ZMYM2: variants seen among roughly 807,000 people sequenced by gnomAD.
The protein encoded by ZMYM2 is zinc finger MYM-type protein 2.
ZMYM2 carries 56 observed loss-of-function variants against 162.8 expected under a neutral mutation model. That is an observed-to-expected ratio of 0.34 (90% CI 0.28 to 0.43). ZMYM2 has a LOEUF of 0.43. Among genes scored for constraint, ZMYM2 ranks in the 20% least tolerant of loss-of-function variants. The pLI is 1.00. For missense variants in ZMYM2, 1,275 were observed against 1,621.8 expected (o/e 0.79, Z 3.67); for synonymous variants, 510 against 541.6 (o/e 0.94, Z 0.81).
intron 21 of ZMYM2, among the ~76,000 whole-genome samples, chr13:20,068,556 A>C (rs919880660): frequency 6.6e-6 from 1 of 152,090 alleles, no homozygotes; most frequent in African/African-American, 2.4e-5. Flanking sequence ...TGAATTCCAA[A>C]ACATGTGACT....
chr13:19,943,102 TA>T, the ZMYM2 span, among the ~76,000 whole-genome samples: 3 of 152,190 alleles, frequency 2.0e-5, no homozygotes, highest in Non-Finnish European at 2.9e-5. Flanking sequence ...CCTGCTCTTC[TA>T]GCTTTTGTTT....
the ZMYM2 span, among the ~76,000 whole-genome samples, chr13:19,878,396 G>A: frequency 6.6e-6 from 1 of 152,020 alleles, no homozygotes; most frequent in East Asian, 1.9e-4. Flanking sequence ...GATGTAAGGT[G>A]GTATCCAATT....
chr13:20,030,687 C>G (rs956790594), intron 9 of ZMYM2, among the ~76,000 whole-genome samples: 1 of 152,028 alleles, frequency 6.6e-6, no homozygotes, highest in Non-Finnish European at 1.5e-5. Flanking sequence ...CATGAGCCAC[C>G]ACGCCTGGCC....
chr13:20,006,707 A>T, intron 6 of ZMYM2, 121 bp downstream of exon 6: 1 of 1,036,282 alleles, frequency 9.6e-7, no homozygotes, highest in Non-Finnish European at 1.4e-6. Flanking sequence ...TAATTCCATT[A>T]TTGTTGTCAT....
At chr13:19,922,670 C>T in the ZMYM2 span, among the ~76,000 whole-genome samples, 1 of 151,878 alleles carries the variant, frequency 6.6e-6, no homozygotes, top group Non-Finnish European at 1.5e-5. Context: ...CGGTGAAACC[C>T]CGTCTCTACT....
the ZMYM2 span, among the ~76,000 whole-genome samples, chr13:19,889,585 G>A: frequency 6.6e-6 from 1 of 152,010 alleles, no homozygotes; most frequent in African/African-American, 2.4e-5. Context: ...CTCCCAAAGT[G>A]AGCCACTGTG....
chr13:19,962,515 ATTT>A (rs1166788980), intron 2 of ZMYM2, among the ~76,000 whole-genome samples: 19 of 38,914 alleles, frequency 4.9e-4, no homozygotes, highest in African/African-American at 1.1e-3. Context: ...ATATATATAT[ATTT>A]TTTTTTTTTT....
In ZMYM2 at chr13:19,989,658, T is replaced by G. The variant is rs567967040; in HGVS notation, c.-10-3405T>G. On this transcript the variant is annotated intron_variant, in intron 2 of 24. Transcript: ENST00000610343. ...CCCTTCAACTATTTATCCTTTGTGT[T>G]GCAAATAATCCAGTTATACTCTTAT... Among the ~76,000 whole-genome samples the G allele has an allele frequency of 4.6e-5, 7 of 152,328 alleles. No individual in the cohort carries two copies. The South Asian group carries it at 8.3e-4, about 18-fold the overall frequency.
chr13:19,977,277 T>A (rs1253429906), intron 2 of ZMYM2, among the ~76,000 whole-genome samples: 3 of 152,108 alleles, frequency 2.0e-5, no homozygotes, highest in African/African-American at 7.2e-5. Context: ...TGCTTTCGGC[T>A]CCCAAAGTGT....
intron 21 of ZMYM2, among the ~76,000 whole-genome samples, chr13:20,077,072 G>A (rs1957558501): frequency 6.7e-6 from 1 of 150,274 alleles, no homozygotes; most frequent in East Asian, 1.9e-4. Context: ...ACAGGCGTGA[G>A]CCACCACGCC....
rs67024518 is a variant in ZMYM2, at chr13:20,046,607, G to GTATA, written c.2293-4820_2293-4817dup. ...TGTGTGTGTGTGTGTGTGTGTGTGT[G>GTATA]TATATATATGTGTATATATATGTGT... On this transcript the variant is annotated intron_variant, in intron 12 of 24. Coordinates refer to ENST00000610343, the MANE Select transcript of ZMYM2 (RefSeq NM_197968.4). 5.7e-4 allele frequency among the ~76,000 whole-genome samples: 59 copies of GTATA among 104,364 alleles called. 1 individual carries two copies. Among genetic ancestry groups the GTATA allele is most frequent in the African/African-American group, 2.0e-3 (51 of 25,826 alleles). The allele number at this position is 104,364 out of a possible 152,430, so 68.5% of individuals were successfully genotyped here.
At chr13:19,874,867 C>G in the ZMYM2 span, among the ~76,000 whole-genome samples, 1 of 152,032 alleles carries the variant, frequency 6.6e-6, no homozygotes, top group Non-Finnish European at 1.5e-5. Flanking sequence ...AAATTAACAT[C>G]ATGATGAGAT....
the ZMYM2 span, among the ~76,000 whole-genome samples, chr13:19,928,249 T>A: frequency 6.6e-6 from 1 of 152,182 alleles, no homozygotes; most frequent in Non-Finnish European, 1.5e-5. Context: ...CAAGCGAGCC[T>A]CCCTCAGTCT....
chr13:19,940,628 G>A, the ZMYM2 span, among the ~76,000 whole-genome samples: 1 of 152,306 alleles, frequency 6.6e-6, no homozygotes, highest in Admixed American at 6.5e-5. Flanking sequence ...CAGGGTTTCT[G>A]TAGGAGAGAT....
chr13:20,079,738 T>C (rs914906162), intron 21 of ZMYM2, among the ~76,000 whole-genome samples: 2 of 152,224 alleles, frequency 1.3e-5, no homozygotes, highest in Non-Finnish European at 2.9e-5. Context: ...GGATTAAGTG[T>C]TCGCACTTCA....
chr13:19,893,017 G>A, the ZMYM2 span, among the ~76,000 whole-genome samples: 2 of 151,720 alleles, frequency 1.3e-5, no homozygotes, highest in Admixed American at 6.6e-5. Flanking sequence ...CTGGCCGGGA[G>A]TTATTTTTAA....
chr13:19,901,235 T>C, the ZMYM2 span, among the ~76,000 whole-genome samples: 1 of 152,102 alleles, frequency 6.6e-6, no homozygotes, highest in Non-Finnish European at 1.5e-5. Flanking sequence ...GACACAAACA[T>C]TCAACCCATA....
At chr13:19,935,825 A>G in the ZMYM2 span, among the ~76,000 whole-genome samples, 10 of 152,106 alleles carry the variant, frequency 6.6e-5, no homozygotes, top group African/African-American at 1.4e-4. Flanking sequence ...ACAAGTCTCA[A>G]TTATCTGTTC....
intron 7 of ZMYM2, among the ~76,000 whole-genome samples, chr13:20,021,309 T>G (rs1003068628): frequency 1.3e-5 from 2 of 150,630 alleles, no homozygotes; most frequent in Non-Finnish European, 2.9e-5. Flanking sequence ...CTAGATCTGT[T>G]TCTATAGTTT....
Sources: gnomAD v4.1 joint callset for allele counts (sites outside exome capture counted in the v4.1 genomes callset) on GRCh38, gnomAD v4.1.1 for gene constraint, MANE v1.5 for transcripts, NCBI Gene and HGNC (gene_info 2026-07-23, HGNC 2026-07-21) for gene names.